Variants in EIF3E observed in about 807,000 individuals in gnomAD.
EIF3E encodes the protein eIF-3 p48.
A neutral mutation model predicts 59.3 loss-of-function variants in EIF3E; 25 were observed. The ratio of observed to expected loss-of-function variants is 0.42; its 90% CI spans 0.31 to 0.59. The LOEUF (loss-of-function observed/expected upper bound fraction) is 0.59, where lower values mean the gene tolerates loss of function less well. Among genes scored for constraint, EIF3E ranks in the 20% least tolerant of loss-of-function variants. The pLI, the probability that EIF3E is intolerant of heterozygous loss-of-function variation, is 0.15. For missense variants in EIF3E, 317 were observed against 534.3 expected (o/e 0.59, Z 4.01); for synonymous variants, 176 against 170.2 (o/e 1.03, Z -0.26).
Position 108,209,541 on chromosome 8 carries a change from G to A in EIF3E, c.1061+5066C>T, listed in dbSNP as rs182303347. The stretch of plus-strand genomic sequence containing the variant: ...TTATTTGTCCACTTATTTAATATCC[G>A]CTTCTTCCTCTGGATTTTAAGTTCT... On this transcript the variant is annotated intron_variant, in intron 10 of 12. Coordinates refer to ENST00000220849, the MANE Select transcript of EIF3E (RefSeq NM_001568.3). 5.3e-5 allele frequency among the ~76,000 whole-genome samples: 8 copies of A among 151,862 alleles called. 1 individual carries two copies. Among genetic ancestry groups the A allele is most frequent in the Admixed American group, 3.3e-4 (5 of 15,256 alleles).
chr8:108,220,686 A>G (rs1200903850), intron 7 of EIF3E, among the ~76,000 whole-genome samples: 2 of 152,204 alleles, frequency 1.3e-5, no homozygotes, highest in African/African-American at 4.8e-5. Flanking sequence ...GGCACTTTCA[A>G]TCTCTCCCCA....
intron 1 of EIF3E, chr8:108,242,442 TAG>T: frequency 3.1e-6 from 4 of 1,288,520 alleles, no homozygotes; most frequent in Non-Finnish European, 4.0e-6. Flanking sequence ...AGGGAGCAAA[TAG>T]ATACATATAC....
At chr8:108,232,193 A>G (rs960912556) in intron 5 of EIF3E, among the ~76,000 whole-genome samples, 1 of 152,160 alleles carries the variant, frequency 6.6e-6, no homozygotes, top group Admixed American at 6.5e-5. Context: ...CAAAAGAAAA[A>G]GATATCTATT....
At chr8:108,228,105 G>T in intron 7 of EIF3E, 162 bp downstream of exon 7, 1 of 698,630 alleles carries the variant, frequency 1.4e-6, no homozygotes, top group Non-Finnish European at 2.2e-6. Context: ...TTACTTAAGA[G>T]TCACATGCAT....
intron 8 of EIF3E, among the ~76,000 whole-genome samples, 153 bp downstream of exon 8, chr8:108,217,181 T>C (rs1025362582): frequency 6.6e-6 from 1 of 152,180 alleles, no homozygotes; most frequent in South Asian, 2.1e-4. Context: ...AAAAGCCCAT[T>C]TGAGGGTCTT....
At chr8:108,216,255 G>A (rs1815302119) in intron 9 of EIF3E, among the ~76,000 whole-genome samples, 157 bp downstream of exon 9, 1 of 152,080 alleles carries the variant, frequency 6.6e-6, no homozygotes. Flanking sequence ...GCCATTTTAA[G>A]GTTAATAAAC....
At chr8:108,242,744 T>C (rs1815862163) in intron 1 of EIF3E, 2 of 923,506 alleles carry the variant, frequency 2.2e-6, no homozygotes, top group South Asian at 4.4e-5. Flanking sequence ...GGCTAAAAGA[T>C]AGGCACTTCG....
chr8:108,232,361 G>A (rs1012406354), intron 5 of EIF3E, among the ~76,000 whole-genome samples: 2 of 152,034 alleles, frequency 1.3e-5, no homozygotes, highest in South Asian at 4.1e-4. Flanking sequence ...GACTGTTCTT[G>A]ATGTAAAACA....
rs1168366679 is a variant in EIF3E, at chr8:108,201,284, T to A, written c.*601A>T. The stretch of plus-strand genomic sequence containing the variant: ...ATATATATCTATCTCTCAACTTGGA[T>A]GGCTCTCAAGAGCATTGTGATGAAT... On this transcript the variant is annotated 3_prime_UTR_variant, in exon 13 of 13. Transcript: ENST00000220849. 1.3e-5 allele frequency: 2 copies of A among 148,800 alleles called. No individual in the cohort carries two copies. Among genetic ancestry groups the A allele is most frequent in the Admixed American group, 1.3e-4 (2 of 14,848 alleles). 9.2% of individuals were successfully genotyped at this position (148,800 alleles called of 1,614,324 possible). A position where few individuals can be genotyped will look rare whatever the true frequency, so the allele number is the denominator to read the frequency against.
chr8:108,240,124 G>A (rs1468101701), intron 2 of EIF3E, 49 bp from the exon 3 acceptor site: 1 of 1,444,220 alleles, frequency 6.9e-7, no homozygotes, highest in African/African-American at 1.4e-5. Flanking sequence ...ATGTTAAATT[G>A]TGCTACTCAT....
Position 108,228,343 on chromosome 8 carries a change from G to C in EIF3E, c.646C>G (p.His216Asp). Residue 216 changes from histidine (H) to aspartate (D), a missense_variant, in exon 7 of 13, where the codon CAC becomes GAC. His to Asp is a moderately conservative substitution (Grantham distance 81, BLOSUM62 -1). This residue lies in a region of EIF3E where 242 missense variants were observed against 398.0 expected (regional missense o/e 0.61). Coordinates refer to ENST00000220849, the MANE Select transcript of EIF3E (RefSeq NM_001568.3). Reference sequence around the variant, plus strand: ...TTGAAGAAAACAAACAGAGACCAGTGAATGAGCCATGTTCTCTGCTGAAGA... The same window carrying C: ...TTGAAGAAAACAAACAGAGACCAGTCAATGAGCCATGTTCTCTGCTGAAGA... Reference protein sequence around the residue: ...QSLQQRTWLIHWSLFVFFNHP... With the variant: ...QSLQQRTWLIDWSLFVFFNHP... 1 of 1,608,242 alleles carries C rather than the reference G, an allele frequency of 6.2e-7. No homozygotes were observed. Among genetic ancestry groups the C allele is most frequent in the Non-Finnish European group, 8.5e-7 (1 of 1,177,040 alleles).
intron 10 of EIF3E, among the ~76,000 whole-genome samples, chr8:108,204,220 A>G (rs1815048768): frequency 6.6e-6 from 1 of 152,080 alleles, no homozygotes; most frequent in Non-Finnish European, 1.5e-5. Context: ...GTTTCTTTGG[A>G]TAAAGAAGAC....
intron 7 of EIF3E, among the ~76,000 whole-genome samples, chr8:108,222,580 T>C (rs1005526599): frequency 9.9e-5 from 15 of 152,218 alleles, no homozygotes; most frequent in Non-Finnish European, 1.0e-4. Flanking sequence ...AGCCTACCAA[T>C]GACCAATGTG....
At chr8:108,205,446 A>G (rs1233576086) in intron 10 of EIF3E, among the ~76,000 whole-genome samples, 1 of 152,142 alleles carries the variant, frequency 6.6e-6, no homozygotes, top group Non-Finnish European at 1.5e-5. Context: ...TCTACAATCT[A>G]TCTTACACAT....
chr8:108,245,898 T>G (rs917179296), intron 1 of EIF3E, among the ~76,000 whole-genome samples: 14 of 152,206 alleles, frequency 9.2e-5, no homozygotes, highest in Non-Finnish European at 2.9e-5. Flanking sequence ...CTTGGTGCAA[T>G]GTAATAGTCT....
Position 108,228,329 on chromosome 8 carries a change from A to T in EIF3E, c.660T>A (p.Phe220Leu). 1 of 1,609,416 alleles carries T rather than the reference A, an allele frequency of 6.2e-7. No homozygotes were observed. The highest frequency in any genetic ancestry group is 8.5e-7 in the Non-Finnish European group (1 of 1,177,576). Residue 220 changes from phenylalanine (F) to leucine (L), a missense_variant, in exon 7 of 13, where the codon TTT (phenylalanine) becomes TTA (leucine). Physicochemically the swap from Phe to Leu is conservative, Grantham distance 22 (BLOSUM62 0). Coordinates refer to ENST00000220849, the MANE Select transcript of EIF3E (RefSeq NM_001568.3). ...QRTWLIHWSL[F>L]VFFNHPKGRD... Reference sequence around the variant, plus strand: ...GACCTTTGGGGTGATTGAAGAAAACAAACAGAGACCAGTGAATGAGCCATG... The same window carrying T: ...GACCTTTGGGGTGATTGAAGAAAACTAACAGAGACCAGTGAATGAGCCATG...
chr8:108,210,810 T>C (rs1386755088), intron 10 of EIF3E, among the ~76,000 whole-genome samples: 3 of 150,746 alleles, frequency 2.0e-5, no homozygotes, highest in East Asian at 2.0e-4. Flanking sequence ...AGTGTTCTCA[T>C]TGTTCAATTC....
At chr8:108,210,396 C>A (rs1414674505) in intron 10 of EIF3E, among the ~76,000 whole-genome samples, 2 of 152,180 alleles carry the variant, frequency 1.3e-5, no homozygotes, top group African/African-American at 2.4e-5. Context: ...TGTTATTTTA[C>A]TTCTCCAGAT....
chr8:108,238,091 A>G lies in EIF3E; in HGVS notation c.323+1867T>C, dbSNP rs575128620. Among the ~76,000 whole-genome samples, 4 of 152,344 alleles carry G rather than the reference A, an allele frequency of 2.6e-5. No individual in the cohort carries two copies. In the South Asian group the frequency reaches 8.3e-4, roughly 32 times the overall value. The stretch of plus-strand genomic sequence containing the variant: ...ATTACTTCCCAGTCTTTGAGTGACT[A>G]AACTACAGCATCCTAAATTTTCTGT... On this transcript the variant is annotated intron_variant, in intron 3 of 12. Transcript: ENST00000220849.
Sources: gnomAD v4.1 joint callset for allele counts (sites outside exome capture counted in the v4.1 genomes callset) on GRCh38, gnomAD v4.1.1 for gene constraint, gnomAD v4.1.1 regional missense constraint, MANE v1.5 for transcripts, NCBI Gene and HGNC (gene_info 2026-07-23, HGNC 2026-07-21) for gene names.